Variants in SORCS1 observed in about 807,000 individuals in gnomAD.
SORCS1 encodes the protein sortilin related VPS10 domain containing receptor 1.
Under a neutral mutation model 146.1 loss-of-function variants are expected in SORCS1, and 60 were observed. The ratio of observed to expected loss-of-function variants is 0.41; its 90% confidence interval spans 0.33 to 0.51. The LOEUF is 0.51. SORCS1 is among the 20% of genes least tolerant of loss of function. The probability of loss-of-function intolerance (pLI) is 0.21; values close to 1 mark genes in which losing one functional copy is unlikely to be tolerated. For synonymous variants in SORCS1, 637 were observed against 584.0 expected (o/e 1.09, Z -1.31); for missense variants, 1,352 against 1,487.6 (o/e 0.91, Z 1.50).
At chr10:106,780,218 T>C (rs79262432) in intron 3 of SORCS1, among the ~76,000 whole-genome samples, 5,320 of 152,302 alleles carry the variant, frequency 0.035, 275 homozygotes, top group African/African-American at 0.1. Flanking sequence ...TCAGAAATAT[T>C]TTCAAAATAG....
intron 2 of SORCS1, among the ~76,000 whole-genome samples, chr10:106,943,949 GAT>G (rs554072226): frequency 6.0e-4 from 91 of 152,290 alleles, no homozygotes; most frequent in Non-Finnish European, 9.6e-4. Flanking sequence ...AGTCATTGCA[GAT>G]ATGTTTCTCC....
chr10:106,959,865 C>G (rs189684367), intron 1 of SORCS1, among the ~76,000 whole-genome samples: 1 of 152,148 alleles, frequency 6.6e-6, no homozygotes, highest in Non-Finnish European at 1.5e-5. Context: ...ATAATATACA[C>G]ATAATTTATT....
intron 5 of SORCS1, among the ~76,000 whole-genome samples, chr10:106,731,339 G>A (rs1244989859): frequency 2.0e-5 from 3 of 147,486 alleles, no homozygotes; most frequent in Admixed American, 1.4e-4. Flanking sequence ...TCTCTCCAGA[G>A]CCTAGTGCGG....
intron 3 of SORCS1, among the ~76,000 whole-genome samples, chr10:106,795,407 A>T (rs542352984): frequency 6.6e-6 from 1 of 152,306 alleles, no homozygotes; most frequent in East Asian, 1.9e-4. Flanking sequence ...GATACTTAAC[A>T]GTTATCAACT....
chr10:106,650,167 T>C (rs1849752465), intron 18 of SORCS1, among the ~76,000 whole-genome samples: 1 of 152,204 alleles, frequency 6.6e-6, no homozygotes, highest in African/African-American at 2.4e-5. Flanking sequence ...AAAGCTCTGG[T>C]TTATGTTATT....
At chr10:106,819,191 C>G (rs1358926772) in intron 3 of SORCS1, among the ~76,000 whole-genome samples, 1 of 152,206 alleles carries the variant, frequency 6.6e-6, no homozygotes, top group Non-Finnish European at 1.5e-5. Context: ...CTGGTTTTGA[C>G]TCTTTATTTC....
chr10:107,029,106 C>G, intron 1 of SORCS1, among the ~76,000 whole-genome samples: 1 of 151,964 alleles, frequency 6.6e-6, no homozygotes, highest in Non-Finnish European at 1.5e-5. Context: ...TATAGTAAGC[C>G]CATAGCATGT....
At chr10:106,653,435 T>G (rs1250027319) in intron 17 of SORCS1, among the ~76,000 whole-genome samples, 2 of 152,214 alleles carry the variant, frequency 1.3e-5, no homozygotes, top group African/African-American at 2.4e-5. Context: ...TACTTTCCAC[T>G]CTTCTAGACC....
intron 1 of SORCS1, among the ~76,000 whole-genome samples, chr10:106,976,212 T>TA (rs1491324209): frequency 7.6e-6 from 1 of 131,336 alleles, no homozygotes; most frequent in Non-Finnish European, 1.6e-5. Context: ...GCTTCATCTG[T>TA]TTTTTTTTTT....
chr10:106,679,289 A>T lies in SORCS1; in HGVS notation c.1707T>A (p.Phe569Leu). The change falls in exon 12 of 26, where the codon TTT (phenylalanine) becomes TTA (leucine). Residue 569 changes from phenylalanine (F) to leucine (L), a missense_variant. By Grantham distance (22) the Phe-to-Leu change is conservative (BLOSUM62 0). Around this residue, in one of 3 missense-constraint regions of SORCS1, gnomAD observed 648 missense variants for 793.8 expected, o/e 0.82. Transcript: ENST00000263054. ...SELSDTDISM[F>L]VSSDAGNTWR... ...AGGTGTTCCCTGCATCTGAAGAGAC[A>T]AACATGCTGATGTCAGTGTCTGACA... 6.2e-7 allele frequency: 1 copy of T among 1,613,452 alleles called. No homozygotes were observed.
chr10:107,017,759 G>A (rs898526214), intron 1 of SORCS1, among the ~76,000 whole-genome samples: 10 of 152,126 alleles, frequency 6.6e-5, no homozygotes, highest in South Asian at 4.1e-4. Flanking sequence ...TGGTTCAAGC[G>A]ATTCTCCTGC....
At chr10:106,763,185 G>A (rs1011859542) in intron 4 of SORCS1, among the ~76,000 whole-genome samples, 7 of 152,086 alleles carry the variant, frequency 4.6e-5, no homozygotes, top group African/African-American at 1.7e-4. Flanking sequence ...TCATATACAT[G>A]CTGCAAGAAT....
intron 5 of SORCS1, 89 bp downstream of exon 5, chr10:106,761,499 C>G: frequency 8.9e-7 from 1 of 1,129,002 alleles, no homozygotes; most frequent in Non-Finnish European, 1.3e-6. Context: ...TGTGAGAGCA[C>G]TGGTGAGAAC....
At chr10:106,706,264 GA>G (rs377395191) in intron 8 of SORCS1, among the ~76,000 whole-genome samples, 12 of 142,708 alleles carry the variant, frequency 8.4e-5, no homozygotes, top group Admixed American at 2.2e-4. Context: ...AAGAGAAAGA[GA>G]AAAAAAGAAA....
intron 1 of SORCS1, among the ~76,000 whole-genome samples, chr10:107,136,500 A>T (rs1967312347): frequency 6.6e-6 from 1 of 152,172 alleles, no homozygotes; most frequent in Non-Finnish European, 1.5e-5. Flanking sequence ...GAGACCTCAG[A>T]GTTTCAGTGC....
At chr10:107,031,030 A>G (rs1359841113) in intron 1 of SORCS1, among the ~76,000 whole-genome samples, 3 of 152,190 alleles carry the variant, frequency 2.0e-5, no homozygotes, top group Non-Finnish European at 4.4e-5. Context: ...ACAGTTCTCA[A>G]GCTGTTCTTT....
At chr10:107,033,385 A>G (rs558604876) in intron 1 of SORCS1, among the ~76,000 whole-genome samples, 37 of 152,134 alleles carry the variant, frequency 2.4e-4, no homozygotes, top group Non-Finnish European at 5.0e-4. Context: ...TGTTTCTAAA[A>G]ACCAGTATAA....
At chr10:107,045,452 T>TTG (rs763711711) in intron 1 of SORCS1, among the ~76,000 whole-genome samples, 1 of 151,930 alleles carries the variant, frequency 6.6e-6, no homozygotes, top group Non-Finnish European at 1.5e-5. Flanking sequence ...AACTGGGAGG[T>TTG]ATTTTCAGGG....
At chr10:106,970,167 A>G (rs1257971702) in intron 1 of SORCS1, 1 of 152,160 alleles carries the variant, frequency 6.6e-6, no homozygotes, top group Non-Finnish European at 1.5e-5. Context: ...ACACGTTTGC[A>G]AGGGTCTCTT....
Sources: allele counts gnomAD v4.1 joint callset (sites outside exome capture counted in the v4.1 genomes callset), GRCh38; gene constraint gnomAD v4.1.1; regional missense constraint gnomAD v4.1.1; transcripts MANE v1.5; gene names NCBI Gene and HGNC (gene_info 2026-07-23, HGNC 2026-07-21).